The following IL6ST variants were observed in gnomAD, a reference collection of about 807,000 sequenced individuals.
The protein encoded by IL6ST is interleukin-6 receptor subunit beta.
Under a neutral mutation model 91.3 loss-of-function variants are expected in IL6ST, and 24 were observed. The observed-to-expected ratio is 0.26, with a 90% CI of 0.19 to 0.37. IL6ST has a LOEUF of 0.37. Ranked by LOEUF, IL6ST falls within the 10% of genes least tolerant of loss-of-function variation. IL6ST has a pLI of 1.00. For missense variants in IL6ST, 914 were observed against 1,078.5 expected, an observed-to-expected ratio of 0.85 and a Z score of 2.14; for synonymous variants, 351 against 373.6, an observed-to-expected ratio of 0.94 and a Z score of 0.70.
intron 2 of IL6ST, among the ~76,000 whole-genome samples, chr5:55,982,124 A>G (rs1177985355): frequency 6.6e-6 from 1 of 152,224 alleles, no homozygotes; most frequent in African/African-American, 2.4e-5. Flanking sequence ...AAAAAGCAGT[A>G]GAGTTACAAT....
intron 15 of IL6ST, among the ~76,000 whole-genome samples, chr5:55,947,202 AATAG>A (rs1008523784): frequency 6.6e-5 from 10 of 152,174 alleles, no homozygotes; most frequent in African/African-American, 1.7e-4. Flanking sequence ...TCTGTCTCAA[AATAG>A]ATAGATAAAT....
rs1213826204 is a variant in IL6ST, at chr5:55,938,785, G to A, written c.*2297C>T. 1 of 202,178 alleles carries A rather than the reference G, an allele frequency of 4.9e-6. No homozygotes were observed. Among genetic ancestry groups the A allele is most frequent in the East Asian group, 7.6e-5 (1 of 13,108 alleles). 12.5% of individuals were successfully genotyped at this position (202,178 alleles called of 1,614,324 possible). On this transcript the variant is annotated 3_prime_UTR_variant, in exon 17 of 17. Transcript: ENST00000381298. Reference sequence around the variant, plus strand: ...ATAATTTATTTTCTCCTTAGGGCAGGTGTACATTACATATTAGTGCTCAAA... The same window carrying A: ...ATAATTTATTTTCTCCTTAGGGCAGATGTACATTACATATTAGTGCTCAAA...
rs1299857533 is a variant in IL6ST, at chr5:55,974,769, A to G, written c.64+1446T>C. Among the ~76,000 whole-genome samples the G allele has an allele frequency of 2.6e-5, 4 of 152,122 alleles. No homozygotes were observed. The South Asian group carries it at 8.3e-4, about 31-fold the overall frequency. On this transcript the variant is annotated intron_variant, in intron 3 of 16. Transcript: ENST00000381298. Reference sequence around the variant, plus strand: ...CCAAAGTGCTTGGATTACTGGCATGAGCCACCATGCCTGGCCTCTATATTA... The same window carrying G: ...CCAAAGTGCTTGGATTACTGGCATGGGCCACCATGCCTGGCCTCTATATTA...
intron 14 of IL6ST, among the ~76,000 whole-genome samples, chr5:55,948,458 C>T (rs910320505): frequency 6.6e-6 from 1 of 151,964 alleles, no homozygotes; most frequent in Admixed American, 6.6e-5. Context: ...CTATGAAGCT[C>T]AGTAGAAATC....
At chr5:55,980,884 C>T (rs1386442448) in intron 2 of IL6ST, among the ~76,000 whole-genome samples, 1 of 152,064 alleles carries the variant, frequency 6.6e-6, no homozygotes, top group Non-Finnish European at 1.5e-5. Context: ...GCCAGCATGC[C>T]CAGCTAATTT....
intron 5 of IL6ST, among the ~76,000 whole-genome samples, chr5:55,965,268 T>G (rs1447907560): frequency 6.6e-6 from 1 of 152,186 alleles, no homozygotes; most frequent in Non-Finnish European, 1.5e-5. Context: ...CTGCAGCTGC[T>G]GTATTAACCG....
chr5:55,975,644 A>G (rs1379395326), intron 3 of IL6ST, among the ~76,000 whole-genome samples: 2 of 152,166 alleles, frequency 1.3e-5, no homozygotes, highest in Non-Finnish European at 2.9e-5. Flanking sequence ...CTGGGATTAC[A>G]GGTGTGAGCC....
In IL6ST at chr5:55,935,817, G is replaced by C. The variant is rs1353307651; in HGVS notation, c.*5265C>G. 1 of 217,412 alleles carries C rather than the reference G, an allele frequency of 4.6e-6. No homozygotes were observed. Among genetic ancestry groups the C allele is most frequent in the African/African-American group, 2.2e-5 (1 of 44,478 alleles). 13.5% of individuals were successfully genotyped at this position (217,412 alleles called of 1,614,324 possible). A position where few individuals can be genotyped will look rare whatever the true frequency, so the allele number is the denominator to read the frequency against. On this transcript the variant is annotated 3_prime_UTR_variant, in exon 17 of 17. Coordinates refer to ENST00000381298, the MANE Select transcript of IL6ST (RefSeq NM_002184.4). The stretch of plus-strand genomic sequence containing the variant: ...TCCTGAACAAGAAAACTCTCTCACT[G>C]CCTTTGGGCTAGAGAAAGAGTATGC...
intron 5 of IL6ST, among the ~76,000 whole-genome samples, chr5:55,965,248 T>C (rs990060219): frequency 1.1e-4 from 16 of 152,166 alleles, no homozygotes; most frequent in South Asian, 2.1e-4. Flanking sequence ...CTAATACTGT[T>C]GTTATTATTC....
At chr5:55,993,066 G>C (rs1488177055) in intron 1 of IL6ST, among the ~76,000 whole-genome samples, 1 of 152,158 alleles carries the variant, frequency 6.6e-6, no homozygotes. Flanking sequence ...CAAAGAAACG[G>C]AGAAGCTGTG....
intron 2 of IL6ST, among the ~76,000 whole-genome samples, chr5:55,977,944 A>G (rs1403882458): frequency 6.6e-6 from 1 of 151,970 alleles, no homozygotes; most frequent in Non-Finnish European, 1.5e-5. Context: ...GGCTGCAGTG[A>G]GCTGAGATGG....
chr5:55,981,424 G>A (rs1753662456), intron 2 of IL6ST, among the ~76,000 whole-genome samples: 1 of 152,146 alleles, frequency 6.6e-6, no homozygotes. Flanking sequence ...GCAGGCGGAT[G>A]ACAAGGTCAG....
intron 11 of IL6ST, among the ~76,000 whole-genome samples, chr5:55,954,262 T>G (rs537839053): frequency 1.3e-5 from 2 of 152,262 alleles, no homozygotes; most frequent in African/African-American, 4.8e-5. Context: ...ATAAACTGAG[T>G]TTTTTTCTCT....
At chr5:55,949,582 C>T (rs1264469485) in intron 14 of IL6ST, among the ~76,000 whole-genome samples, 1 of 152,072 alleles carries the variant, frequency 6.6e-6, no homozygotes, top group African/African-American at 2.4e-5. Context: ...CACAGAAATA[C>T]ATAAAATATA....
At chr5:55,958,790 GTTCAT>G (rs1752133477) in intron 8 of IL6ST, among the ~76,000 whole-genome samples, 1 of 145,164 alleles carries the variant, frequency 6.9e-6, no homozygotes, top group Non-Finnish European at 1.5e-5. Context: ...AGCGAGCCGT[GTTCAT>G]GCCACTGCAC....
At chr5:55,990,320 C>CTA (rs1164807769) in intron 1 of IL6ST, among the ~76,000 whole-genome samples, 3 of 151,994 alleles carry the variant, frequency 2.0e-5, no homozygotes, top group African/African-American at 7.2e-5. Flanking sequence ...GCCATTTTGA[C>CTA]TATATATATC....
At chr5:55,985,029 T>C (rs1561204322) in intron 1 of IL6ST, among the ~76,000 whole-genome samples, 1 of 152,236 alleles carries the variant, frequency 6.6e-6, no homozygotes, top group Non-Finnish European at 1.5e-5. Flanking sequence ...TTTCCTGTTT[T>C]CTCATTAAGT....
At position 55,963,436 on chromosome 5, in the gene IL6ST, T is replaced by C. The variant is rs141009333; in HGVS notation, c.729A>G (p.Thr243=). Residue 243 remains threonine, a synonymous_variant, in exon 7 of 17, where the codon ACA becomes ACG. Coordinates refer to ENST00000381298, the MANE Select transcript of IL6ST (RefSeq NM_002184.4). Reference sequence around the variant, plus strand: ...CACTCTTAATACTTGGGTTGGTCCATGTCAATTTTAAGATACTAGACAGTT... The same window carrying C: ...CACTCTTAATACTTGGGTTGGTCCACGTCAATTTTAAGATACTAGACAGTT... ...SEELSSILKL[T]WTNPSIKSVI... The C allele has an allele frequency of 1.0e-5, 16 of 1,606,658 alleles. No homozygotes were observed. The highest frequency in any genetic ancestry group is 8.3e-5 in the Admixed American group (5 of 59,890).
rs752969137 is a variant in IL6ST at position 55,956,031 on chromosome 5, A to T, written c.1261T>A (p.Phe421Ile). Residue 421 changes from phenylalanine to isoleucine, a missense_variant, in exon 10 of 17, where the codon TTT (phenylalanine) becomes ATT (isoleucine). Phe to Ile is a conservative substitution (Grantham distance 21). Coordinates refer to ENST00000381298, the MANE Select transcript of IL6ST (RefSeq NM_002184.4). ...CCATCTCACAGATACAAACCTTGAA[A>T]GTCACAGGCAGGGATAGTTAAAACA... The part of the protein sequence containing the change: ...AAVLTIPACD[F>I]QATHPVMDLK... 11 of 1,611,046 alleles carry T rather than the reference A, an allele frequency of 6.8e-6. No homozygotes were observed. Among genetic ancestry groups the T allele is most frequent in the Non-Finnish European group, 9.3e-6 (11 of 1,177,220 alleles).
Sources: allele counts gnomAD v4.1 joint callset (sites outside exome capture counted in the v4.1 genomes callset), GRCh38; gene constraint gnomAD v4.1.1; transcripts MANE v1.5; gene names NCBI Gene and HGNC (gene_info 2026-07-23, HGNC 2026-07-21).